CNTN5: variants seen among roughly 807,000 people sequenced by gnomAD.
CNTN5 encodes the protein contactin-5.
A neutral mutation model predicts 129.1 loss-of-function variants in CNTN5; 77 were observed. That is an observed-to-expected ratio of 0.60 (90% confidence interval 0.50 to 0.72). The LOEUF is 0.72. CNTN5 is among the 30% of genes least tolerant of loss of function. CNTN5 has a pLI of 0.00. For missense variants in CNTN5, 1,478 were observed against 1,328.8 expected (o/e 1.11, Z -1.75); for synonymous variants, 509 against 465.6 (o/e 1.09, Z -1.20).
At chr11:100,084,384 T>C (rs1252434592) in intron 13 of CNTN5, among the ~76,000 whole-genome samples, 2 of 152,160 alleles carry the variant, frequency 1.3e-5, no homozygotes, top group Non-Finnish European at 2.9e-5. Flanking sequence ...GGAGAGAAGA[T>C]TCTGAGGCTG....
intron 1 of CNTN5, among the ~76,000 whole-genome samples, chr11:99,316,415 C>G (rs796314256): frequency 6.6e-6 from 1 of 151,998 alleles, no homozygotes; most frequent in Non-Finnish European, 1.5e-5. Flanking sequence ...ATAGTAAATT[C>G]TAGAATTTCT....
intron 1 of CNTN5, among the ~76,000 whole-genome samples, chr11:99,078,075 A>G (rs933913416): frequency 9.2e-5 from 14 of 152,188 alleles, no homozygotes; most frequent in Admixed American, 7.2e-4. Context: ...TTTCAATTCA[A>G]TTATTAATTA....
chr11:99,919,072 T>C (rs6590428), intron 7 of CNTN5, among the ~76,000 whole-genome samples: 138,691 of 152,164 alleles, frequency 0.91, 63,293 homozygotes, highest in East Asian at 1. Context: ...AACCCCTTCC[T>C]GCCTTTGTTT....
chr11:100,253,027 C>T (rs1355931381), intron 16 of CNTN5, among the ~76,000 whole-genome samples: 1 of 152,126 alleles, frequency 6.6e-6, no homozygotes, highest in East Asian at 1.9e-4. Flanking sequence ...GAATGGCTTG[C>T]ATGTTCAGGG....
chr11:99,187,885 A>G (rs1340141034), intron 1 of CNTN5, among the ~76,000 whole-genome samples: 1 of 115,216 alleles, frequency 8.7e-6, no homozygotes, highest in East Asian at 2.1e-4. Context: ...TTATACATTT[A>G]AGAAAGTCTT....
chr11:99,985,661 T>C (rs11827706), intron 8 of CNTN5, among the ~76,000 whole-genome samples: 46,969 of 152,084 alleles, frequency 0.31, 7,874 homozygotes, highest in African/African-American at 0.43. Flanking sequence ...TATCCCTGTC[T>C]GCCTCCTGCC....
At chr11:99,587,453 A>G (rs1286111596) in intron 3 of CNTN5, among the ~76,000 whole-genome samples, 3 of 152,214 alleles carry the variant, frequency 2.0e-5, no homozygotes, top group African/African-American at 7.2e-5. Flanking sequence ...TTCCCTGAAA[A>G]GAAGAGCAAC....
At chr11:99,030,343 A>T (rs1863309665) in intron 1 of CNTN5, among the ~76,000 whole-genome samples, 1 of 152,172 alleles carries the variant, frequency 6.6e-6, no homozygotes, top group Non-Finnish European at 1.5e-5. Context: ...ATATATGTGG[A>T]TACAATGACT....
At chr11:99,906,331 A>G (rs1341706213) in intron 6 of CNTN5, among the ~76,000 whole-genome samples, 1 of 152,064 alleles carries the variant, frequency 6.6e-6, no homozygotes, top group African/African-American at 2.4e-5. Context: ...GCTTATTGAG[A>G]GTTTTTAGCA....
At chr11:99,415,196 C>T (rs567520561) in intron 2 of CNTN5, among the ~76,000 whole-genome samples, 19 of 152,194 alleles carry the variant, frequency 1.2e-4, no homozygotes, top group African/African-American at 4.3e-4. Flanking sequence ...TTTATTTAAT[C>T]AAAGTTTTAC....
At chr11:99,413,123 T>C (rs554347777) in intron 2 of CNTN5, among the ~76,000 whole-genome samples, 306 of 152,300 alleles carry the variant, frequency 2.0e-3, no homozygotes, top group Non-Finnish European at 2.4e-3. Context: ...CTCTGCCATA[T>C]CTTTGCAGGC....
intron 20 of CNTN5, among the ~76,000 whole-genome samples, chr11:100,304,754 T>A (rs553892335): frequency 2.0e-4 from 30 of 151,238 alleles, no homozygotes; most frequent in South Asian, 1.2e-3. Context: ...ATTCAAATCC[T>A]CCCTCCACAT....
At chr11:99,092,322 C>T (rs953049113) in intron 1 of CNTN5, among the ~76,000 whole-genome samples, 1 of 151,954 alleles carries the variant, frequency 6.6e-6, no homozygotes, top group South Asian at 2.1e-4. Flanking sequence ...CTTTATTGTG[C>T]AAAGATATAC....
intron 3 of CNTN5, among the ~76,000 whole-genome samples, chr11:99,721,106 A>G (rs1943156592): frequency 6.6e-6 from 1 of 152,188 alleles, no homozygotes; most frequent in Non-Finnish European, 1.5e-5. Flanking sequence ...TCAAATTACC[A>G]TCAGAATTCT....
At chr11:99,446,481 T>C (rs1944076987) in intron 2 of CNTN5, among the ~76,000 whole-genome samples, 1 of 152,184 alleles carries the variant, frequency 6.6e-6, no homozygotes, top group Non-Finnish European at 1.5e-5. Context: ...CCTGCAAATT[T>C]TTTTCTTCCA....
chr11:99,573,443 G>C (rs562179629), intron 3 of CNTN5, among the ~76,000 whole-genome samples: 1 of 151,878 alleles, frequency 6.6e-6, no homozygotes, highest in East Asian at 2.0e-4. Context: ...GGTGGCAGGC[G>C]CCTGTAGTCC....
At chr11:100,176,026 A>G (rs536200915) in intron 13 of CNTN5, among the ~76,000 whole-genome samples, 5 of 151,944 alleles carry the variant, frequency 3.3e-5, no homozygotes, top group African/African-American at 4.8e-5. Context: ...GGGATTCATA[A>G]CTTTTTTTTT....
intron 2 of CNTN5, among the ~76,000 whole-genome samples, chr11:99,423,927 G>T (rs186740506): frequency 1.3e-5 from 2 of 152,258 alleles, no homozygotes; most frequent in Admixed American, 6.5e-5. Flanking sequence ...AGGACGTTTA[G>T]GTTTGAATGA....
chr11:99,917,290 G>A (rs1017991691), intron 7 of CNTN5, among the ~76,000 whole-genome samples: 4 of 152,032 alleles, frequency 2.6e-5, no homozygotes, highest in Non-Finnish European at 5.9e-5. Flanking sequence ...TAATCTTTCT[G>A]TGAAAGGTTT....
Sources: allele counts gnomAD v4.1 joint callset (sites outside exome capture counted in the v4.1 genomes callset), GRCh38; gene constraint gnomAD v4.1.1; transcripts MANE v1.5; gene names NCBI Gene and HGNC (gene_info 2026-07-23, HGNC 2026-07-21).